Variants in EYA2 observed in about 807,000 individuals in gnomAD.
EYA2 encodes the protein EYA transcriptional coactivator and phosphatase 2.
A neutral mutation model predicts 69.2 loss-of-function variants in EYA2; 31 were observed. That is an observed-to-expected ratio of 0.45 (90% CI 0.34 to 0.60). EYA2 has a LOEUF of 0.60. EYA2 is among the 20% of genes least tolerant of loss of function. EYA2 has a pLI of 0.02. For synonymous variants in EYA2, 257 were observed against 279.4 expected (o/e 0.92, Z 0.80); for missense variants, 622 against 701.2 (o/e 0.89, Z 1.28).
At chr20:47,186,275 C>T (rs6512433) in intron 15 of EYA2, among the ~76,000 whole-genome samples, 11,271 of 151,562 alleles carry the variant, frequency 0.074, 1,146 homozygotes, top group African/African-American at 0.22. Flanking sequence ...ATAGATCTTC[C>T]TTTGCTCACT....
chr20:46,936,472 A>G (rs895115530), intron 1 of EYA2, among the ~76,000 whole-genome samples: 3 of 152,182 alleles, frequency 2.0e-5, no homozygotes, highest in Non-Finnish European at 2.9e-5. Flanking sequence ...ATCCGTCTCA[A>G]TAAAAATAAA....
intron 1 of EYA2, among the ~76,000 whole-genome samples, chr20:46,938,210 T>C (rs1015253920): frequency 6.6e-6 from 1 of 152,202 alleles, no homozygotes; most frequent in Non-Finnish European, 1.5e-5. Context: ...GAACATCATA[T>C]ATTTGTGCCA....
intron 10 of EYA2, among the ~76,000 whole-genome samples, chr20:47,153,803 T>G (rs1387250276): frequency 6.6e-6 from 1 of 152,022 alleles, no homozygotes; most frequent in Non-Finnish European, 1.5e-5. Context: ...GGATACTATT[T>G]GGGATCAGAG....
At chr20:46,999,415 G>A (rs1982220162) in intron 2 of EYA2, among the ~76,000 whole-genome samples, 1 of 152,104 alleles carries the variant, frequency 6.6e-6, no homozygotes, top group African/African-American at 2.4e-5. Flanking sequence ...CTGTGTGCCA[G>A]GGGCTTTCCT....
chr20:47,092,110 A>G (rs2032104376), intron 8 of EYA2, among the ~76,000 whole-genome samples: 1 of 152,124 alleles, frequency 6.6e-6, no homozygotes. Flanking sequence ...AGGGCATTTG[A>G]TATTTAGCCA....
In EYA2 at chr20:46,962,385, A is replaced by G. The variant is rs530920636; in HGVS notation, c.-10-27616A>G. On this transcript the variant is annotated intron_variant, in intron 1 of 15. Transcript: ENST00000327619. The stretch of plus-strand genomic sequence containing the variant: ...ATGATAAATGTTTGAGGTGATAGGT[A>G]TGCTAATTACCCCAATACATTGTAT... Among the ~76,000 whole-genome samples the G allele has an allele frequency of 2.0e-5, 3 of 152,320 alleles. No individual in the cohort carries two copies. In the East Asian group the frequency reaches 5.8e-4, roughly 29 times the overall value.
intron 1 of EYA2, among the ~76,000 whole-genome samples, chr20:46,946,920 C>A (rs1217243336): frequency 2.0e-5 from 3 of 152,220 alleles, no homozygotes; most frequent in Non-Finnish European, 4.4e-5. Flanking sequence ...CGTGAGTTGG[C>A]AAACTGAGGC....
chr20:46,919,306 C>G (rs1356543770), intron 1 of EYA2, among the ~76,000 whole-genome samples: 1 of 152,246 alleles, frequency 6.6e-6, no homozygotes, highest in Non-Finnish European at 1.5e-5. Flanking sequence ...TATGAAAGCC[C>G]TAGATGGGAT....
intron 2 of EYA2, among the ~76,000 whole-genome samples, chr20:46,994,489 A>G (rs1023817165): frequency 1.3e-5 from 2 of 152,172 alleles, no homozygotes; most frequent in Non-Finnish European, 2.9e-5. Context: ...CCTACGCTAC[A>G]AGCTGGGCTG....
chr20:47,063,386 CGTGTGCGTGTGT>C (rs2030974924), intron 5 of EYA2, among the ~76,000 whole-genome samples: 2 of 93,566 alleles, frequency 2.1e-5, no homozygotes, highest in South Asian at 3.4e-4. Flanking sequence ...TGTGTGTGTG[CGTGTGCGTGTGT>C]GTGTGTGTGT....
At chr20:47,043,091 C>A (rs947335974) in intron 5 of EYA2, among the ~76,000 whole-genome samples, 1 of 152,138 alleles carries the variant, frequency 6.6e-6, no homozygotes, top group African/African-American at 2.4e-5. Context: ...CCTTCAGACC[C>A]CTTCCAGCTC....
intron 10 of EYA2, among the ~76,000 whole-genome samples, chr20:47,148,186 G>C (rs182979822): frequency 1.3e-5 from 2 of 152,232 alleles, no homozygotes; most frequent in Admixed American, 1.3e-4. Flanking sequence ...AGTTCCATCT[G>C]CTGTTGAGTC....
chr20:47,067,141 C>T (rs541755751), intron 5 of EYA2, among the ~76,000 whole-genome samples: 3 of 152,296 alleles, frequency 2.0e-5, no homozygotes, highest in East Asian at 3.9e-4. Flanking sequence ...TACCAAGGGA[C>T]AAGACGATAG....
intron 10 of EYA2, among the ~76,000 whole-genome samples, chr20:47,154,125 G>A (rs1360158071): frequency 6.6e-6 from 1 of 152,000 alleles, no homozygotes; most frequent in Admixed American, 6.5e-5. Context: ...TCCAGGTGCT[G>A]GCAAAGTTGG....
At position 46,964,890 on chromosome 20, in the gene EYA2, A is replaced by T. The variant is rs183975798; in HGVS notation, c.-10-25111A>T. On this transcript the variant is annotated intron_variant, in intron 1 of 15. Transcript: ENST00000327619. ...TGGGTTTGAATTTAGGGGATAATAC[A>T]CTGAGTACTCTCGTGAGGATTTAGT... Among the ~76,000 whole-genome samples, 41 of 152,310 alleles carry T rather than the reference A, an allele frequency of 2.7e-4. No individual in the cohort carries two copies. In the East Asian group the frequency reaches 7.5e-3, roughly 28 times the overall value.
At chr20:46,975,021 A>G (rs922386414) in intron 1 of EYA2, among the ~76,000 whole-genome samples, 4 of 152,078 alleles carry the variant, frequency 2.6e-5, no homozygotes, top group Admixed American at 6.5e-5. Context: ...TTCCATTTAT[A>G]TAACATTTTC....
chr20:47,143,705 A>T (rs2033644810), intron 10 of EYA2, among the ~76,000 whole-genome samples: 1 of 152,222 alleles, frequency 6.6e-6, no homozygotes, highest in Admixed American at 6.5e-5. Context: ...AGCTTCAAAA[A>T]TAAATTGAAT....
At chr20:47,053,842 G>A (rs965341386) in intron 5 of EYA2, among the ~76,000 whole-genome samples, 1 of 151,780 alleles carries the variant, frequency 6.6e-6, no homozygotes, top group African/African-American at 2.4e-5. Context: ...TTTCCACAAA[G>A]GAGGGGCTCA....
intron 14 of EYA2, among the ~76,000 whole-genome samples, chr20:47,182,628 T>TCAAAAAAAAAAAAA (rs779945744): frequency 0.02 from 1,662 of 84,202 alleles, 451 homozygotes; most frequent in African/African-American, 0.072. Context: ...AGACTCCGTC[T>TCAAAAAAAAAAAAA]AAAAAAAAAA....
Sources: allele counts gnomAD v4.1 joint callset (sites outside exome capture counted in the v4.1 genomes callset), GRCh38; gene constraint gnomAD v4.1.1; transcripts MANE v1.5; gene names NCBI Gene and HGNC (gene_info 2026-07-23, HGNC 2026-07-21).